Variants in MBOAT1 observed in about 807,000 individuals in gnomAD.
MBOAT1 encodes membrane bound glycerophospholipid O-acyltransferase 1.
In MBOAT1, 67 loss-of-function variants were observed where a neutral mutation model predicts 64.4. The observed-to-expected ratio is 1.04, with a 90% confidence interval of 0.85 to 1.27. The LOEUF is 1.27. Ranked by LOEUF, MBOAT1 falls within the 50% of genes most tolerant of loss-of-function variation. The pLI, the probability that MBOAT1 is intolerant of heterozygous loss-of-function variation, is 0.00. For missense variants in MBOAT1, 563 were observed against 604.6 expected (o/e 0.93, Z 0.72); for synonymous variants, 229 against 218.9 (o/e 1.05, Z -0.41).
At position 20,152,820 on chromosome 6, in the gene MBOAT1, T is replaced by C. The variant is rs750744038; in HGVS notation, c.100-51A>G. 1.9e-4 allele frequency: 290 copies of C among 1,535,110 alleles called. 5 individuals are homozygous for C. In the Middle Eastern group the frequency reaches 0.015, roughly 78 times the overall value. ...AACCTTTGTGTGAATTTCGTCTTGG[T>C]TTTTTTGTTTGTTTTGTTTTGTTTT... On this transcript the variant is annotated intron_variant, in intron 1 of 12. Transcript: ENST00000324607.
intron 1 of MBOAT1, among the ~76,000 whole-genome samples, chr6:20,163,916 A>AT (rs1410330758): frequency 6.6e-6 from 1 of 152,134 alleles, no homozygotes; most frequent in East Asian, 1.9e-4. Context: ...ATCCCACTGA[A>AT]TAAGGAGGTG....
intron 1 of MBOAT1, among the ~76,000 whole-genome samples, chr6:20,170,207 T>A (rs1248370256): frequency 6.6e-6 from 1 of 152,112 alleles, no homozygotes; most frequent in Non-Finnish European, 1.5e-5. Context: ...CAAGGTAACG[T>A]TTCTCGCTCC....
chr6:20,140,811 A>G (rs1464543665), intron 4 of MBOAT1, among the ~76,000 whole-genome samples: 1 of 152,224 alleles, frequency 6.6e-6, no homozygotes. Context: ...CTGAGTCGCT[A>G]GAGAATCCTG....
At chr6:20,106,798 T>C (rs1289574562) in intron 12 of MBOAT1, among the ~76,000 whole-genome samples, 1 of 152,034 alleles carries the variant, frequency 6.6e-6, no homozygotes, top group Non-Finnish European at 1.5e-5. Flanking sequence ...AACCAGAAAA[T>C]ATCCTAGGTT....
intron 1 of MBOAT1, among the ~76,000 whole-genome samples, chr6:20,208,362 C>T (rs1392125812): frequency 1.4e-5 from 2 of 144,652 alleles, no homozygotes; most frequent in Non-Finnish European, 3.0e-5. Context: ...AGGAGAATCA[C>T]GTGAACCTGG....
chr6:20,210,079 G>A (rs971032867), intron 1 of MBOAT1, among the ~76,000 whole-genome samples: 1 of 152,192 alleles, frequency 6.6e-6, no homozygotes, highest in Non-Finnish European at 1.5e-5. Context: ...AGCCAATGGG[G>A]TTGGTTCCCG....
At chr6:20,187,493 C>G (rs1441784566) in intron 1 of MBOAT1, among the ~76,000 whole-genome samples, 1 of 152,240 alleles carries the variant, frequency 6.6e-6, no homozygotes, top group Non-Finnish European at 1.5e-5. Flanking sequence ...AGAGAGTTCA[C>G]CTTCTCCTTC....
At chr6:20,104,354 T>C (rs1430870210) in intron 12 of MBOAT1, among the ~76,000 whole-genome samples, 1 of 152,246 alleles carries the variant, frequency 6.6e-6, no homozygotes, top group Non-Finnish European at 1.5e-5. Context: ...AAAAGGTTCT[T>C]CTTTTGTGTC....
intron 1 of MBOAT1, among the ~76,000 whole-genome samples, chr6:20,156,177 A>T: frequency 6.6e-6 from 1 of 151,398 alleles, no homozygotes; most frequent in African/African-American, 2.4e-5. Flanking sequence ...AGGCTGAGAT[A>T]GGAGAATGGC....
At chr6:20,209,342 A>G (rs1763353283) in intron 1 of MBOAT1, among the ~76,000 whole-genome samples, 3 of 152,242 alleles carry the variant, frequency 2.0e-5, no homozygotes. Flanking sequence ...CAAAATCCCT[A>G]AAACAAAAAC....
chr6:20,188,748 T>C (rs1762723900), intron 1 of MBOAT1, among the ~76,000 whole-genome samples: 1 of 152,146 alleles, frequency 6.6e-6, no homozygotes, highest in African/African-American at 2.4e-5. Context: ...TTACTGCATA[T>C]GTATCAGGGG....
At chr6:20,133,791 C>G (rs1210759966) in intron 4 of MBOAT1, among the ~76,000 whole-genome samples, 1 of 152,052 alleles carries the variant, frequency 6.6e-6, no homozygotes, top group Non-Finnish European at 1.5e-5. Flanking sequence ...GCACGTTAAG[C>G]AAAACATTTA....
At chr6:20,116,059 T>A (rs1201551753) in intron 9 of MBOAT1, among the ~76,000 whole-genome samples, 1 of 151,456 alleles carries the variant, frequency 6.6e-6, no homozygotes, top group Non-Finnish European at 1.5e-5. Context: ...CAGCCGGGCG[T>A]GGTGGCTCAT....
intron 3 of MBOAT1, among the ~76,000 whole-genome samples, chr6:20,145,312 C>G (rs1018580882): frequency 6.6e-6 from 1 of 152,166 alleles, no homozygotes; most frequent in African/African-American, 2.4e-5. Context: ...TGCTGGAACC[C>G]TGATTTCAGA....
chr6:20,178,283 G>T (rs920279066), intron 1 of MBOAT1, among the ~76,000 whole-genome samples: 2 of 151,982 alleles, frequency 1.3e-5, no homozygotes, highest in Non-Finnish European at 2.9e-5. Context: ...AAGTATAAGC[G>T]GAAGTCACTT....
In MBOAT1 at chr6:20,168,518, G is replaced by GAGAGA. The variant is rs1561773068; in HGVS notation, c.100-15750_100-15749insTCTCT. On this transcript the variant is annotated intron_variant, in intron 1 of 12. Transcript: ENST00000324607. Reference sequence around the variant, plus strand: ...GAGAGAGAGAGAGAGGAGAGGAGAGGAGAGGAGAGAAGAGGAGAGGAGAGG... The same window carrying GAGAGA: ...GAGAGAGAGAGAGAGGAGAGGAGAGGAGAGAAGAGGAGAGAAGAGGAGAGGAGAGG... Among the ~76,000 whole-genome samples the GAGAGA allele has an allele frequency of 5.2e-3, 603 of 115,994 alleles. 4 individuals carry two copies. The highest frequency in any genetic ancestry group is 9.7e-3 in the Non-Finnish European group (503 of 51,784). 76.1% of individuals were successfully genotyped at this position (115,994 alleles called of 152,430 possible). A position where few individuals can be genotyped will look rare whatever the true frequency, so the allele number is the denominator to read the frequency against.
At chr6:20,127,238 C>T (rs1760681713) in intron 6 of MBOAT1, among the ~76,000 whole-genome samples, 1 of 152,120 alleles carries the variant, frequency 6.6e-6, no homozygotes, top group Admixed American at 6.5e-5. Flanking sequence ...GAGTAACAGA[C>T]CAAGGTAGTG....
At chr6:20,123,457 T>G (rs1398750955) in intron 8 of MBOAT1, among the ~76,000 whole-genome samples, 1 of 152,206 alleles carries the variant, frequency 6.6e-6, no homozygotes, top group Admixed American at 6.5e-5. Flanking sequence ...AGTATACAGA[T>G]GGGTTTATAG....
At chr6:20,187,140 C>T (rs1427020070) in intron 1 of MBOAT1, among the ~76,000 whole-genome samples, 2 of 152,206 alleles carry the variant, frequency 1.3e-5, no homozygotes, top group Non-Finnish European at 2.9e-5. Context: ...CGACCAACAA[C>T]TCCACTGGCA....
Sources: allele counts gnomAD v4.1 joint callset (sites outside exome capture counted in the v4.1 genomes callset), GRCh38; gene constraint gnomAD v4.1.1; transcripts MANE v1.5; gene names NCBI Gene and HGNC (gene_info 2026-07-23, HGNC 2026-07-21).